R3HCC1L: variants seen among roughly 807,000 people sequenced by gnomAD.
R3HCC1L encodes R3H domain and coiled-coil containing 1 like.
In R3HCC1L, 51 loss-of-function variants were observed where a neutral mutation model predicts 59.9. That is an observed-to-expected ratio of 0.85 (90% confidence interval 0.68 to 1.07). The LOEUF (loss-of-function observed/expected upper bound fraction) is 1.07. Among genes scored for constraint, R3HCC1L ranks in the 50% least tolerant of loss-of-function variants. The pLI is 0.00. For synonymous variants in R3HCC1L, 322 were observed against 315.2 expected (o/e 1.02, Z -0.23); for missense variants, 965 against 933.0 (o/e 1.03, Z -0.45).
chr10:98,197,036 C>T (rs1316052876), intron 4 of R3HCC1L, among the ~76,000 whole-genome samples: 1 of 152,036 alleles, frequency 6.6e-6, no homozygotes, highest in East Asian at 1.9e-4. Flanking sequence ...CCTACTTCAG[C>T]CTCCCAGGTT....
intron 4 of R3HCC1L, among the ~76,000 whole-genome samples, chr10:98,187,380 C>CCTA (rs879271678): frequency 6.6e-6 from 1 of 151,460 alleles, no homozygotes; most frequent in Admixed American, 6.6e-5. Context: ...GCATATCAGC[C>CCTA]ATGTAAGGTT....
chr10:98,168,133 T>C (rs1848136196), intron 4 of R3HCC1L, among the ~76,000 whole-genome samples: 1 of 152,170 alleles, frequency 6.6e-6, no homozygotes, highest in South Asian at 2.1e-4. Flanking sequence ...AGGGAGTTTT[T>C]TTCTTCTCTC....
intron 4 of R3HCC1L, among the ~76,000 whole-genome samples, chr10:98,186,970 G>A (rs1298466936): frequency 3.9e-5 from 6 of 151,990 alleles, no homozygotes; most frequent in African/African-American, 1.5e-4. Context: ...ACAACCTTGA[G>A]TCTTCATTTA....
At chr10:98,142,409 G>A (rs1265364995) in intron 1 of R3HCC1L, among the ~76,000 whole-genome samples, 2 of 151,806 alleles carry the variant, frequency 1.3e-5, no homozygotes, top group Non-Finnish European at 2.9e-5. Context: ...AGGCTGAGGC[G>A]AGTGGATCAC....
chr10:98,167,101 T>A lies in R3HCC1L; in HGVS notation c.-15+3704T>A, dbSNP rs79561201. 3.0e-3 allele frequency among the ~76,000 whole-genome samples: 453 copies of A among 152,144 alleles called. 4 individuals are homozygous for A. The highest frequency in any genetic ancestry group is 9.2e-3 in the African/African-American group (384 of 41,518). ...TCTTTAACAATTATCTTTCTCTTTGTATCATAAGAATACTAGATAAGAATT... is the reference window on the plus strand; with the variant it reads ...TCTTTAACAATTATCTTTCTCTTTGAATCATAAGAATACTAGATAAGAATT... On this transcript the variant is annotated intron_variant, in intron 4 of 9. Coordinates refer to ENST00000298999, the MANE Select transcript of R3HCC1L (RefSeq NM_001351015.2).
chr10:98,219,959 A>T (rs974862436), intron 5 of R3HCC1L, among the ~76,000 whole-genome samples: 1 of 152,170 alleles, frequency 6.6e-6, no homozygotes, highest in Admixed American at 6.5e-5. Context: ...CTGTTACTTC[A>T]TTAAATAGGT....
chr10:98,193,957 G>GT (rs745349707), intron 4 of R3HCC1L, among the ~76,000 whole-genome samples: 6 of 152,154 alleles, frequency 3.9e-5, no homozygotes, highest in South Asian at 2.1e-4. Context: ...TCCTTACAGC[G>GT]TTTTTTGCAG....
intron 5 of R3HCC1L, among the ~76,000 whole-genome samples, chr10:98,223,385 A>G (rs1855284050): frequency 6.6e-6 from 1 of 152,074 alleles, no homozygotes; most frequent in Non-Finnish European, 1.5e-5. Flanking sequence ...TTTATTTTTC[A>G]TTGGAATGTT....
At chr10:98,143,736 G>T (rs1420766252) in intron 1 of R3HCC1L, among the ~76,000 whole-genome samples, 1 of 152,104 alleles carries the variant, frequency 6.6e-6, no homozygotes, top group Admixed American at 6.5e-5. Context: ...AACTTTTTGA[G>T]TTATTACTAC....
chr10:98,200,886 C>T lies in R3HCC1L; in HGVS notation c.-14-7215C>T, dbSNP rs540650067. Among the ~76,000 whole-genome samples, 15 of 152,228 alleles carry T rather than the reference C, an allele frequency of 9.9e-5. No homozygotes were observed. In the East Asian group the frequency reaches 2.7e-3, roughly 27 times the overall value. On this transcript the variant is annotated intron_variant, in intron 4 of 9. Transcript: ENST00000298999. ...AAAGTATGAGTCCCAGACAGTGCTGCCAAGGAATTCTACCAACAGTAAGCC... is the reference window on the plus strand; with the variant it reads ...AAAGTATGAGTCCCAGACAGTGCTGTCAAGGAATTCTACCAACAGTAAGCC...
chr10:98,224,261 A>AT (rs1211855906), intron 5 of R3HCC1L, among the ~76,000 whole-genome samples: 25 of 147,804 alleles, frequency 1.7e-4, no homozygotes, highest in South Asian at 4.3e-4. Context: ...AATGTGGCAT[A>AT]TTTTTTTTTT....
At chr10:98,206,317 TTTGA>T (rs1363576259) in intron 4 of R3HCC1L, among the ~76,000 whole-genome samples, 1 of 151,296 alleles carries the variant, frequency 6.6e-6, no homozygotes, top group Non-Finnish European at 1.5e-5. Flanking sequence ...CTGTCTTTTG[TTTGA>T]TTCTTTAAAA....
chr10:98,158,804 C>T (rs1450547943), intron 2 of R3HCC1L, among the ~76,000 whole-genome samples: 4 of 150,794 alleles, frequency 2.7e-5, no homozygotes, highest in Non-Finnish European at 5.9e-5. Flanking sequence ...TTTTTCATGA[C>T]ATTGACTTTT....
rs773706530 is a variant in R3HCC1L at position 98,208,552 on chromosome 10, G to A, written c.438G>A (p.Glu146=). Residue 146 remains glutamate (E), a synonymous_variant, in exon 5 of 10, where the codon GAG becomes GAA. Coordinates refer to ENST00000298999, the MANE Select transcript of R3HCC1L (RefSeq NM_001351015.2). ...GACATTTTAAACCAAAGAAGGTGGAGTGTTTGGAAGTTGAAACTACGGATG... is the reference window on the plus strand; with the variant it reads ...GACATTTTAAACCAAAGAAGGTGGAATGTTTGGAAGTTGAAACTACGGATG... The part of the protein sequence containing the change: ...LQRHFKPKKV[E]CLEVETTDVT... The A allele has an allele frequency of 3.1e-6, 5 of 1,614,142 alleles. No individual in the cohort carries two copies. In the South Asian group the frequency reaches 4.4e-5, roughly 14 times the overall value.
chr10:98,142,590 A>C (rs1003058476), intron 1 of R3HCC1L, among the ~76,000 whole-genome samples: 4 of 150,102 alleles, frequency 2.7e-5, no homozygotes, highest in Admixed American at 2.0e-4. Flanking sequence ...ATGAGTGGAG[A>C]TTGCATCACT....
At position 98,241,206 on chromosome 10, in the gene R3HCC1L, G is replaced by A. The variant is rs370848207; in HGVS notation, c.2270-2885G>A. ...GAATAAGATTCGTTTGACCAGACGC[G>A]TTCTTCACAAAGCATGTTGTCTATT... On this transcript the variant is annotated intron_variant, in intron 9 of 9. Coordinates refer to ENST00000298999, the MANE Select transcript of R3HCC1L (RefSeq NM_001351015.2). 1.5e-4 allele frequency among the ~76,000 whole-genome samples: 23 copies of A among 152,138 alleles called. No homozygotes were observed. The East Asian group carries it at 3.1e-3, about 20-fold the overall frequency.
chr10:98,163,826 T>G (rs884810), intron 4 of R3HCC1L, among the ~76,000 whole-genome samples: 41,136 of 152,188 alleles, frequency 0.27, 6,539 homozygotes, highest in South Asian at 0.43. Context: ...ATTTAAATAG[T>G]AAAGTATTAT....
chr10:98,140,416 A>G (rs1845026644), intron 1 of R3HCC1L, among the ~76,000 whole-genome samples: 1 of 152,182 alleles, frequency 6.6e-6, no homozygotes, highest in Non-Finnish European at 1.5e-5. Flanking sequence ...ACACCTACAC[A>G]CAGAGTCATA....
intron 9 of R3HCC1L, 124 bp downstream of exon 9, chr10:98,236,288 G>A (rs1210202875): frequency 8.5e-6 from 11 of 1,287,038 alleles, no homozygotes; most frequent in South Asian, 1.4e-5. Flanking sequence ...AGCCTCCTAA[G>A]TGTATAGAAA....
Sources: gnomAD v4.1 joint callset for allele counts (sites outside exome capture counted in the v4.1 genomes callset) on GRCh38, gnomAD v4.1.1 for gene constraint, MANE v1.5 for transcripts, NCBI Gene and HGNC (gene_info 2026-07-23, HGNC 2026-07-21) for gene names.